Variants in CSMD2 observed in about 807,000 individuals in gnomAD.
CSMD2 encodes the protein CUB and Sushi multiple domains 2.
In CSMD2, 130 loss-of-function variants were observed where a neutral mutation model predicts 398.5. The ratio of observed to expected loss-of-function variants is 0.33; its 90% CI spans 0.28 to 0.38. The LOEUF (loss-of-function observed/expected upper bound fraction) is 0.38, where lower values mean the gene tolerates loss of function less well. Ranked by LOEUF, CSMD2 falls within the 10% of genes least tolerant of loss-of-function variation. The probability of loss-of-function intolerance (pLI) is 1.00; values close to 1 mark genes in which losing one functional copy is unlikely to be tolerated. For missense variants in CSMD2, 3,829 were observed against 4,764.9 expected (o/e 0.80, Z 5.78); for synonymous variants, 1,828 against 1,908.5 (o/e 0.96, Z 1.10).
intron 1 of CSMD2, among the ~76,000 whole-genome samples, chr1:34,095,980 T>C (rs937279741): frequency 6.6e-6 from 1 of 152,226 alleles, no homozygotes; most frequent in South Asian, 2.1e-4. Flanking sequence ...TAGACCAATA[T>C]CCTTGATGAA....
intron 1 of CSMD2, among the ~76,000 whole-genome samples, chr1:34,121,921 A>G (rs1662224269): frequency 6.6e-6 from 1 of 151,696 alleles, no homozygotes; most frequent in South Asian, 2.1e-4. Context: ...ATAGGTGAAC[A>G]CAGGCACGCC....
chr1:33,885,382 G>C (rs2125187546), intron 5 of CSMD2: 1 of 152,258 alleles, frequency 6.6e-6, no homozygotes, highest in South Asian at 2.1e-4. Flanking sequence ...AGATGATTAA[G>C]ACAACAATGA....
chr1:33,694,924 C>G (rs953039923), intron 24 of CSMD2, among the ~76,000 whole-genome samples: 1 of 152,190 alleles, frequency 6.6e-6, no homozygotes, highest in African/African-American at 2.4e-5. Flanking sequence ...CAGGATACTG[C>G]CCTCCCCTGG....
chr1:34,008,522 C>T (rs991038120), intron 3 of CSMD2, among the ~76,000 whole-genome samples: 7 of 152,264 alleles, frequency 4.6e-5, no homozygotes, highest in African/African-American at 4.8e-5. Flanking sequence ...AGTAGACTTG[C>T]GCCCATCTGA....
chr1:33,988,277 C>A (rs1043073667), intron 3 of CSMD2, among the ~76,000 whole-genome samples: 1 of 152,194 alleles, frequency 6.6e-6, no homozygotes, highest in Non-Finnish European at 1.5e-5. Flanking sequence ...ATGGAGGAGA[C>A]CCGAGTGACA....
At chr1:34,054,585 T>C (rs1361522427) in intron 2 of CSMD2, among the ~76,000 whole-genome samples, 1 of 151,934 alleles carries the variant, frequency 6.6e-6, no homozygotes, top group Middle Eastern at 3.4e-3. Context: ...AAAATAATAA[T>C]AATAATTAGC....
At chr1:33,829,545 G>A (rs1659236370) in intron 6 of CSMD2, among the ~76,000 whole-genome samples, 1 of 152,214 alleles carries the variant, frequency 6.6e-6, no homozygotes, top group African/African-American at 2.4e-5. Context: ...GGCCGAATAG[G>A]AACAGCTCCA....
chr1:33,656,390 C>T (rs1179212772), intron 27 of CSMD2, among the ~76,000 whole-genome samples: 3 of 152,184 alleles, frequency 2.0e-5, no homozygotes, highest in African/African-American at 7.2e-5. Flanking sequence ...CAGCAGAATA[C>T]GTAGTGAAGA....
At chr1:33,923,240 G>A (rs1308282650) in intron 4 of CSMD2, among the ~76,000 whole-genome samples, 4 of 152,158 alleles carry the variant, frequency 2.6e-5, no homozygotes, top group African/African-American at 9.7e-5. Flanking sequence ...TGGGAGGTGT[G>A]TGGGTCATGG....
chr1:34,052,110 C>A (rs573747494), intron 2 of CSMD2, among the ~76,000 whole-genome samples: 1 of 151,844 alleles, frequency 6.6e-6, no homozygotes, highest in Non-Finnish European at 1.5e-5. Context: ...AGCTTGCCAA[C>A]TGCAGATCTC....
At chr1:33,606,358 C>A (rs1435317466) in intron 41 of CSMD2, among the ~76,000 whole-genome samples, 1 of 152,212 alleles carries the variant, frequency 6.6e-6, no homozygotes, top group African/African-American at 2.4e-5. Context: ...GTTTCTCATA[C>A]GTAATAACAA....
intron 2 of CSMD2, among the ~76,000 whole-genome samples, chr1:34,058,382 A>AATGATG (rs200658116): frequency 5.3e-5 from 8 of 151,952 alleles, no homozygotes; most frequent in Non-Finnish European, 1.0e-4. Flanking sequence ...AAGGGCTTGA[A>AATGATG]ATGATGATGA....
intron 25 of CSMD2, among the ~76,000 whole-genome samples, chr1:33,664,953 C>T (rs1268538863): frequency 6.6e-6 from 1 of 152,132 alleles, no homozygotes; most frequent in Non-Finnish European, 1.5e-5. Context: ...TTCACCTCAT[C>T]AGCATTAGAT....
intron 9 of CSMD2, among the ~76,000 whole-genome samples, chr1:33,816,882 T>TTG (rs1319734165): frequency 6.6e-6 from 1 of 152,178 alleles, no homozygotes; most frequent in African/African-American, 2.4e-5. Flanking sequence ...GTAGAATTAA[T>TTG]TGTGTGGGAA....
intron 51 of CSMD2, among the ~76,000 whole-genome samples, chr1:33,570,415 C>A (rs1224711368): frequency 4.0e-5 from 6 of 151,490 alleles, no homozygotes; most frequent in Admixed American, 2.0e-4. Context: ...CTCAAGTGAT[C>A]CACCCACTTC....
intron 10 of CSMD2, among the ~76,000 whole-genome samples, chr1:33,795,228 G>A (rs936211567): frequency 6.6e-6 from 1 of 152,192 alleles, no homozygotes; most frequent in African/African-American, 2.4e-5. Flanking sequence ...AGCAATCAGT[G>A]TTTGGAGCGA....
At position 33,633,457 on chromosome 1, in the gene CSMD2, G is replaced by C; in HGVS notation, c.5165C>G (p.Ser1722Trp). Residue 1722 changes from serine (S) to tryptophan (W), a missense_variant, in exon 32 of 71, where the codon TCG becomes TGG. Physicochemically the swap from Ser to Trp is radical, Grantham distance 177. Around this residue, in one of 5 missense-constraint regions of CSMD2, gnomAD observed 2,001 missense variants for 2,567.1 expected, o/e 0.78. Transcript: ENST00000373381. This position sits in a 1 kb window ranked among gnomAD's most constrained non-coding sequence, Gnocchi z 5.0. ...GCCCGAGAGGGAGCTGAGGAGCCGC[G>C]AGTGCTGGCTGTGGCCGTCGTGAAC... is the stretch of plus-strand genomic sequence containing the variant. ...VEVHDGHSQHSRLLSSLSGSH... is the reference protein window; with the variant it reads ...VEVHDGHSQHWRLLSSLSGSH... The C allele has an allele frequency of 6.4e-7, 1 of 1,554,278 alleles. No homozygotes were observed. Among genetic ancestry groups the C allele is most frequent in the Non-Finnish European group, 8.7e-7 (1 of 1,148,466 alleles).
chr1:34,073,610 C>T (rs187680992), intron 2 of CSMD2, among the ~76,000 whole-genome samples: 184 of 152,254 alleles, frequency 1.2e-3, no homozygotes, highest in Non-Finnish European at 2.0e-3. Flanking sequence ...ATTACATTTA[C>T]TATTTTAGAG....
chr1:34,017,908 C>T (rs1372142238), intron 3 of CSMD2, among the ~76,000 whole-genome samples: 32 of 152,180 alleles, frequency 2.1e-4, no homozygotes, highest in Admixed American at 2.1e-3. Context: ...CTGACACCTC[C>T]ACATAGCTTT....
Sources: allele counts gnomAD v4.1 joint callset (sites outside exome capture counted in the v4.1 genomes callset), GRCh38; gene constraint gnomAD v4.1.1; regional missense constraint gnomAD v4.1.1; non-coding constraint Gnocchi (gnomAD v3.1); transcripts MANE v1.5; gene names NCBI Gene and HGNC (gene_info 2026-07-23, HGNC 2026-07-21).